RCOR3: variants seen among roughly 807,000 people sequenced by gnomAD.
RCOR3 encodes the protein REST corepressor 3.
RCOR3 carries 13 observed loss-of-function variants against 64.1 expected under a neutral mutation model. That is an observed-to-expected ratio of 0.20 (90% CI 0.13 to 0.32). The LOEUF is 0.32. Ranked by LOEUF, RCOR3 falls within the 10% of genes least tolerant of loss-of-function variation. The probability of loss-of-function intolerance (pLI) is 1.00; values close to 1 mark genes in which losing one functional copy is unlikely to be tolerated. For missense variants in RCOR3, 489 were observed against 701.2 expected, an observed-to-expected ratio of 0.70 and a Z score of 3.42; for synonymous variants, 215 against 239.0, an observed-to-expected ratio of 0.90 and a Z score of 0.93.
chr1:211,270,066 CTT>C (rs11390047), intron 2 of RCOR3, among the ~76,000 whole-genome samples: 2 of 144,648 alleles, frequency 1.4e-5, no homozygotes, highest in Non-Finnish European at 1.5e-5. Flanking sequence ...TTTATCTTGA[CTT>C]TTTTTTTTTT....
rs201617226 is a variant in RCOR3 at position 211,260,168 on chromosome 1, G to T, written c.223+4G>T. Reference sequence around the variant, plus strand: ...CGGATCCCTGAATTTGATCCAGGTAGATATATTTGCTTAAGCAAAATCTCA... The same window carrying T: ...CGGATCCCTGAATTTGATCCAGGTATATATATTTGCTTAAGCAAAATCTCA... On this transcript the variant is annotated splice_donor_region_variant and intron_variant, in intron 2 of 11. Coordinates refer to ENST00000419091, the MANE Select transcript of RCOR3 (RefSeq NM_001136223.3). 1 of 1,611,854 alleles carries T rather than the reference G, an allele frequency of 6.2e-7. No individual in the cohort carries two copies. The highest frequency in any genetic ancestry group is 1.1e-5 in the South Asian group (1 of 90,948).
intron 4 of RCOR3, 113 bp downstream of exon 4, chr1:211,274,375 T>C: frequency 1.6e-6 from 1 of 613,964 alleles, no homozygotes; most frequent in Non-Finnish European, 2.8e-6. Flanking sequence ...AGCTATTTTA[T>C]AGATACCACA....
intron 2 of RCOR3, among the ~76,000 whole-genome samples, chr1:211,269,788 T>C (rs1401531855): frequency 6.6e-6 from 1 of 152,060 alleles, no homozygotes; most frequent in Non-Finnish European, 1.5e-5. Context: ...ATATGAAGTT[T>C]TAATAGGGCT....
At chr1:211,275,285 GT>G (rs1361010007) in intron 4 of RCOR3, among the ~76,000 whole-genome samples, 5 of 152,016 alleles carry the variant, frequency 3.3e-5, no homozygotes, top group African/African-American at 4.8e-5. Context: ...GTAAAGGAAT[GT>G]TTTTGTGAAA....
At chr1:211,302,980 C>G (rs1384555669) in intron 9 of RCOR3, 1 of 151,808 alleles carries the variant, frequency 6.6e-6, no homozygotes, top group East Asian at 1.9e-4. Context: ...ATTACTGTTT[C>G]TTTATGTCTC....
At chr1:211,261,791 C>A (rs1250500528) in intron 2 of RCOR3, among the ~76,000 whole-genome samples, 1 of 151,390 alleles carries the variant, frequency 6.6e-6, no homozygotes, top group East Asian at 2.0e-4. Flanking sequence ...CGTGGTGGCA[C>A]GCACCTGTAA....
intron 2 of RCOR3, among the ~76,000 whole-genome samples, chr1:211,263,978 C>T (rs1331426804): frequency 1.3e-5 from 2 of 152,038 alleles, no homozygotes; most frequent in East Asian, 3.8e-4. Context: ...CCACCATACC[C>T]GGCTAATTTT....
At position 211,267,818 on chromosome 1, in the gene RCOR3, C is replaced by G. The variant is rs1228254659; in HGVS notation, c.224-3414C>G. ...ATGTTTCCCAGGCTGGTCTCAAACT[C>G]CGGGGCTCAAGCCATCCGCCCTCCT... On this transcript the variant is annotated intron_variant, in intron 2 of 11. Transcript: ENST00000419091. 1.7e-5 allele frequency: 6 copies of G among 357,470 alleles called. No individual in the cohort carries two copies. In the Admixed American group the frequency reaches 2.3e-4, roughly 14 times the overall value. 22.1% of individuals were successfully genotyped at this position (357,470 alleles called of 1,614,324 possible). A position where few individuals can be genotyped will look rare whatever the true frequency, so the allele number is the denominator to read the frequency against.
chr1:211,268,508 T>C (rs1280059684), intron 2 of RCOR3, among the ~76,000 whole-genome samples: 2 of 151,486 alleles, frequency 1.3e-5, no homozygotes, highest in Non-Finnish European at 2.9e-5. Context: ...GCCTCTTGAG[T>C]AGCTGGGATT....
chr1:211,259,442 C>T lies in RCOR3; in HGVS notation c.-119C>T, dbSNP rs1164944066. 6 of 1,024,726 alleles carry T rather than the reference C, an allele frequency of 5.9e-6. No individual in the cohort carries two copies. The South Asian group carries it at 6.6e-5, about 11-fold the overall frequency. The allele number at this position is 1,024,726 out of a possible 1,614,324, so 63.5% of individuals were successfully genotyped here. ...CCATATTAACAGCCTCCTCCTCCTC[C>T]GCCGCCGCCGCCGTCTCCTCCTCCT... On this transcript the variant is annotated 5_prime_UTR_variant, in exon 1 of 12. Transcript: ENST00000419091.
chr1:211,275,616 A>G (rs958400522), intron 4 of RCOR3, among the ~76,000 whole-genome samples: 2 of 152,118 alleles, frequency 1.3e-5, no homozygotes, highest in African/African-American at 4.8e-5. Context: ...GAAGTTATGG[A>G]ATTTTTGGAA....
chr1:211,282,452 T>G (rs1456484280), intron 7 of RCOR3, among the ~76,000 whole-genome samples: 1 of 151,862 alleles, frequency 6.6e-6, no homozygotes, highest in East Asian at 1.9e-4. Context: ...TATCTACCAC[T>G]GAGCTGAAGA....
chr1:211,295,035 G>T (rs1315860776), intron 8 of RCOR3, among the ~76,000 whole-genome samples: 1 of 140,304 alleles, frequency 7.1e-6, no homozygotes, highest in Admixed American at 7.7e-5. Flanking sequence ...ATGCCACCAT[G>T]ACCAGCTAAT....
In RCOR3 at chr1:211,278,174, C is replaced by T. The variant is rs1269382974; in HGVS notation, c.574C>T (p.Arg192Cys). ...VKYYYSWKKT[R>C]SRTSLMDRQA... ...ATATTACTATTCTTGGAAAAAAACT[C>T]GCTCTAGGACAAGTTTGATGGATCG... The change falls in exon 6 of 12, where the codon CGC (arginine) becomes TGC (cysteine). Residue 192 changes from arginine (R) to cysteine (C), a missense_variant. Physicochemically the swap from Arg to Cys is radical, Grantham distance 180. This residue lies in a region of RCOR3 where 402 missense variants were observed against 617.0 expected (regional missense o/e 0.65). Coordinates refer to ENST00000419091, the MANE Select transcript of RCOR3 (RefSeq NM_001136223.3). 4 of 1,607,120 alleles carry T rather than the reference C, an allele frequency of 2.5e-6. No homozygotes were observed. The highest frequency in any genetic ancestry group is 1.7e-5 in the Admixed American group (1 of 57,914).
At position 211,259,387 on chromosome 1, in the gene RCOR3, T is replaced by G; in HGVS notation, c.-174T>G. ...GCGGGTTGTTGTGAGGCGACTGCGC[T>G]ACTGCCGGAGCGGGGCGGTTATGGC... is the stretch of plus-strand genomic sequence containing the variant. On this transcript the variant is annotated 5_prime_UTR_variant, in exon 1 of 12. Coordinates refer to ENST00000419091, the MANE Select transcript of RCOR3 (RefSeq NM_001136223.3). The G allele has an allele frequency of 1.7e-6, 1 of 576,970 alleles. No homozygotes were observed. The highest frequency in any genetic ancestry group is 3.0e-6 in the Non-Finnish European group (1 of 337,434). 35.7% of individuals were successfully genotyped at this position (576,970 alleles called of 1,614,324 possible).
intron 10 of RCOR3, among the ~76,000 whole-genome samples, chr1:211,309,208 A>G (rs1196265496): frequency 6.6e-6 from 1 of 152,138 alleles, no homozygotes; most frequent in Non-Finnish European, 1.5e-5. Context: ...TTGTATGGAC[A>G]GACTCCACTA....
intron 2 of RCOR3, among the ~76,000 whole-genome samples, chr1:211,267,112 T>C (rs1411601536): frequency 3.9e-5 from 6 of 152,226 alleles, no homozygotes; most frequent in African/African-American, 1.4e-4. Flanking sequence ...TAGGTAATGC[T>C]TACCATATGC....
At chr1:211,259,924 G>GCCCCCCC in intron 1 of RCOR3, 184 bp from the exon 2 acceptor site, 1 of 459,852 alleles carries the variant, frequency 2.2e-6, no homozygotes, top group South Asian at 3.8e-5. Flanking sequence ...CTCCGCCTTT[G>GCCCCCCC]CCCCCCCCCG....
rs770585670 is a variant in RCOR3, at chr1:211,271,298, C to T, written c.290C>T (p.Pro97Leu). The T allele has an allele frequency of 6.2e-7, 1 of 1,613,004 alleles. No individual in the cohort carries two copies. Among genetic ancestry groups the T allele is most frequent in the Non-Finnish European group, 8.5e-7 (1 of 1,179,292 alleles). ...GTATGGTCTCCATATCACAGTATCCCAGATGCCAAATGTAAGTTTTCTGAA... is the reference window on the plus strand; with the variant it reads ...GTATGGTCTCCATATCACAGTATCCTAGATGCCAAATGTAAGTTTTCTGAA... The part of the protein sequence containing the change: ...MLVWSPYHSI[P>L]DAKLDEYIAI... The change falls in exon 3 of 12, where the codon CCA (proline) becomes CTA (leucine). Residue 97 changes from proline (P) to leucine (L), a missense_variant. Coordinates refer to ENST00000419091, the MANE Select transcript of RCOR3 (RefSeq NM_001136223.3).
Sources: gnomAD v4.1 joint callset for allele counts (sites outside exome capture counted in the v4.1 genomes callset) on GRCh38, gnomAD v4.1.1 for gene constraint, gnomAD v4.1.1 regional missense constraint, MANE v1.5 for transcripts, NCBI Gene and HGNC (gene_info 2026-07-23, HGNC 2026-07-21) for gene names.